PDXDC1: variants seen among roughly 807,000 people sequenced by gnomAD.
PDXDC1 encodes pyridoxal dependent decarboxylase domain containing 1, also known as pyridoxal-dependent decarboxylase domain-containing protein 1.
In PDXDC1, 42 loss-of-function variants were observed where a neutral mutation model predicts 100.1. The observed-to-expected ratio is 0.42, with a 90% CI of 0.33 to 0.54. The LOEUF (loss-of-function observed/expected upper bound fraction) is 0.54. Ranked by LOEUF, PDXDC1 falls within the 20% of genes least tolerant of loss-of-function variation. The pLI is 0.10. For synonymous variants in PDXDC1, 260 were observed against 371.7 expected (o/e 0.70, Z 3.46); for missense variants, 636 against 979.2 (o/e 0.65, Z 4.68).
At chr16:15,128,502 G>A (rs1007966743) in intron 16 of PDXDC1, 17 of 686,790 alleles carry the variant, frequency 2.5e-5, no homozygotes, top group Admixed American at 1.3e-4. Flanking sequence ...CACACAGGCA[G>A]TCCCGGCTTT....
Position 15,034,379 on chromosome 16 carries a change from G to T in PDXDC1, c.1905+1G>T. The T allele has an allele frequency of 6.2e-7, 1 of 1,613,542 alleles. No homozygotes were observed. The highest frequency in any genetic ancestry group is 8.5e-7 in the Non-Finnish European group (1 of 1,179,984). ...AAGTGAAGAACGGCTTCTGGAAGAG[G>T]TGAGGCCCCCGATGGGCAGCAGGCT... On this transcript the variant is annotated splice_donor_variant, in intron 20 of 22. Coordinates refer to ENST00000396410, the MANE Select transcript of PDXDC1 (RefSeq NM_015027.4). LOFTEE classifies it high-confidence loss of function.
chr16:15,061,905 C>T, intron 16 of PDXDC1: 1 of 1,607,886 alleles, frequency 6.2e-7, no homozygotes, highest in Non-Finnish European at 8.5e-7. Flanking sequence ...TCCACTATGT[C>T]CTGCAGAAAC....
the PDXDC1 span, among the ~76,000 whole-genome samples, chr16:15,148,433 G>C: frequency 1.3e-4 from 17 of 132,230 alleles, no homozygotes; most frequent in Non-Finnish European, 2.3e-4. Flanking sequence ...ACCCAGCCTG[G>C]AGTGCAGTGG....
intron 16 of PDXDC1, among the ~76,000 whole-genome samples, chr16:15,065,061 G>A (rs1446707068): frequency 6.6e-6 from 1 of 151,970 alleles, no homozygotes; most frequent in African/African-American, 2.4e-5. Context: ...AGCTACTCGG[G>A]AGGCTGAGTC....
Position 15,125,354 on chromosome 16 carries a change from C to G in PDXDC1, c.1400-13525C>G. The stretch of plus-strand genomic sequence containing the variant: ...CAGGTGGCGCGGGTCAGCAAGGTAC[C>G]AGGGGATGTGTCACACACACAGCCC... On this transcript the variant is annotated intron_variant, in intron 16 of 16. Coordinates refer to the PDXDC1 transcript ENST00000535621. The G allele has an allele frequency of 6.8e-6, 5 of 731,364 alleles. No individual in the cohort carries two copies. The South Asian group carries it at 7.9e-5, about 11-fold the overall frequency. The allele number at this position is 731,364 out of a possible 1,614,324, so 45.3% of individuals were successfully genotyped here.
chr16:15,035,605 G>A (rs746852140), intron 22 of PDXDC1, 52 bp downstream of exon 22: 3 of 1,028,408 alleles, frequency 2.9e-6, no homozygotes, highest in Admixed American at 5.3e-5. Flanking sequence ...CCTGTTGACT[G>A]TTACTTGCGT....
Position 15,033,289 on chromosome 16 carries a change from A to G in PDXDC1, c.1702A>G (p.Lys568Glu), listed in dbSNP as rs754064191. 4 of 1,614,180 alleles carry G rather than the reference A, an allele frequency of 2.5e-6. No homozygotes were observed. The Admixed American group carries it at 6.7e-5, about 27-fold the overall frequency. The change falls in exon 19 of 23, where the codon AAG (lysine) becomes GAG (glutamate). Residue 568 changes from lysine (K) to glutamate (E), a missense_variant. Physicochemically the swap from Lys to Glu is moderately conservative, Grantham distance 56. Transcript: ENST00000396410. ...CGTTACCTTTGCAGGCCCTGAGTAT[A>G]AGAGCATGAAGAGCTGCCTTTATGT... ...DLTFKIGPEY[K>E]SMKSCLYVGM...
intron 1 of PDXDC1, among the ~76,000 whole-genome samples, chr16:14,991,175 A>G (rs1238972689): frequency 6.6e-6 from 1 of 152,270 alleles, no homozygotes; most frequent in African/African-American, 2.4e-5. Flanking sequence ...TTGTCATTAC[A>G]CGGGATTTTA....
chr16:15,045,317 G>A (rs750817266), intron 16 of PDXDC1: 1 of 150,840 alleles, frequency 6.6e-6, no homozygotes, highest in African/African-American at 2.4e-5. Context: ...AAATAAATAA[G>A]TAAGTTGGGC....
intron 1 of PDXDC1, chr16:14,989,526 G>A (rs113462655): frequency 0.13 from 201,283 of 1,604,204 alleles, 10,687 homozygotes; most frequent in African/African-American, 0.24. Context: ...CACGCGCTCC[G>A]TGGGGTTGTT....
At chr16:15,071,960 C>T (rs946182380) in intron 16 of PDXDC1, among the ~76,000 whole-genome samples, 1 of 152,148 alleles carries the variant, frequency 6.6e-6, no homozygotes, top group African/African-American at 2.4e-5. Context: ...GTGCAAAGCA[C>T]CTTCCGGTCT....
chr16:15,070,072 T>C, intron 16 of PDXDC1: 1 of 1,545,608 alleles, frequency 6.5e-7, no homozygotes, highest in Non-Finnish European at 8.9e-7. Context: ...ACACTGACCT[T>C]CTTTCAGGTT....
Position 15,034,473 on chromosome 16 carries a change from TC to T in PDXDC1, c.1925del (p.Pro642LeufsTer2). The T allele has an allele frequency of 6.2e-7, 1 of 1,614,134 alleles. No individual in the cohort carries two copies. Among genetic ancestry groups the T allele is most frequent in the Non-Finnish European group, 8.5e-7 (1 of 1,180,022 alleles). On this transcript the variant is annotated frameshift_variant, in exon 21 of 23. Coordinates refer to ENST00000396410, the MANE Select transcript of PDXDC1 (RefSeq NM_015027.4). LOFTEE classifies it high-confidence loss of function. ...GTCTTGCAGGGGGTGTTGCGGCAGA[TC>T]CCTGTAGTGGGCTCCGTGCTGAATT... ...RLLEEGVLRQ[I>X]PVVGSVLNWF... is the part of the protein sequence containing the mutation.
chr16:15,122,751 G>A (rs1295560693), intron 16 of PDXDC1, among the ~76,000 whole-genome samples: 1 of 146,186 alleles, frequency 6.8e-6, no homozygotes, highest in Non-Finnish European at 1.5e-5. Context: ...AGGTGGCCAG[G>A]ACAGAGGTGG....
In PDXDC1 at chr16:15,115,242, CTTTTT is replaced by C. The variant is rs1275982094; in HGVS notation, c.1400-23636_1400-23632del. Among the ~76,000 whole-genome samples the C allele has an allele frequency of 1.9e-4, 24 of 127,758 alleles. No homozygotes were observed. In the Admixed American group the frequency reaches 1.9e-3, roughly 10 times the overall value. 83.8% of individuals were successfully genotyped at this position (127,758 alleles called of 152,430 possible). On this transcript the variant is annotated intron_variant, in intron 16 of 16. Coordinates refer to the PDXDC1 transcript ENST00000535621. The stretch of plus-strand genomic sequence containing the variant: ...GCCACCGTGCCCAGCCATTTTTTTT[CTTTTT>C]GTTTGTTGTTTGTTTTTGAGATGGG...
intron 16 of PDXDC1, chr16:15,074,830 T>C (rs1261935768): frequency 6.2e-7 from 1 of 1,612,586 alleles, no homozygotes. Flanking sequence ...AGGACCAGCC[T>C]TTGTTTCATG....
At chr16:15,030,222 C>T (rs554932153) in intron 16 of PDXDC1, among the ~76,000 whole-genome samples, 166 bp downstream of exon 16, 127 of 152,334 alleles carry the variant, frequency 8.3e-4, no homozygotes, top group Non-Finnish European at 1.2e-3. Flanking sequence ...TCCCATGTAA[C>T]TTACCAGAAT....
intron 16 of PDXDC1, chr16:15,092,407 G>A (rs1012554463): frequency 6.0e-5 from 44 of 731,210 alleles, no homozygotes; most frequent in Admixed American, 3.3e-4. Flanking sequence ...ATTTCAACTG[G>A]TATCTTAATT....
intron 1 of PDXDC1, among the ~76,000 whole-genome samples, chr16:14,990,633 T>C (rs533777590): frequency 1.3e-5 from 2 of 152,294 alleles, no homozygotes; most frequent in African/African-American, 2.4e-5. Flanking sequence ...GTCTATGGCA[T>C]TGGAGTCATT....
Sources: gnomAD v4.1 joint callset for allele counts (sites outside exome capture counted in the v4.1 genomes callset) on GRCh38, gnomAD v4.1.1 for gene constraint, MANE v1.5 for transcripts, NCBI Gene and HGNC (gene_info 2026-07-23, HGNC 2026-07-21) for gene names.